Variants in LRRC25 observed in about 807,000 individuals in gnomAD.
LRRC25 encodes the protein leucine rich repeat containing 25, also known as leucine-rich repeat-containing protein 25.
LRRC25 carries 5 observed loss-of-function variants against 18.8 expected under a neutral mutation model. The ratio of observed to expected loss-of-function variants is 0.27; its 90% confidence interval spans 0.14 to 0.56. The LOEUF (loss-of-function observed/expected upper bound fraction) is 0.56, where lower values mean the gene tolerates loss of function less well. Ranked by LOEUF, LRRC25 falls within the 20% of genes least tolerant of loss-of-function variation. The pLI, the probability that LRRC25 is intolerant of heterozygous loss-of-function variation, is 0.93. For missense variants in LRRC25, 341 were observed against 389.8 expected, an observed-to-expected ratio of 0.87 and a Z score of 1.05; for synonymous variants, 161 against 176.8, an observed-to-expected ratio of 0.91 and a Z score of 0.71.
At position 18,392,101 on chromosome 19, in the gene LRRC25, G is replaced by C. The variant is rs1971908836; in HGVS notation, c.804C>G (p.Asp268Glu). 1.9e-6 allele frequency: 3 copies of C among 1,613,980 alleles called. No homozygotes were observed. Among genetic ancestry groups the C allele is most frequent in the East Asian group, 2.2e-5 (1 of 44,896 alleles). Residue 268 changes from aspartate (D) to glutamate (E), a missense_variant, in exon 2 of 2, where the codon GAC becomes GAG. Transcript: ENST00000339007. ...EQGAHPSEDN[D>E]FYINYKDIDL... ...CGATGTCCTTGTAGTTGATGTAAAA[G>C]TCATTGTCCTCTGAAGGGTGAGCCC...
In LRRC25 at chr19:18,391,782, C is replaced by T; in HGVS notation, c.*205G>A. The T allele has an allele frequency of 1.8e-6, 1 of 557,770 alleles. No individual in the cohort carries two copies. Among genetic ancestry groups the T allele is most frequent in the South Asian group, 2.1e-5 (1 of 47,120 alleles). 34.6% of individuals were successfully genotyped at this position (557,770 alleles called of 1,614,324 possible). A position where few individuals can be genotyped will look rare whatever the true frequency, so the allele number is the denominator to read the frequency against. On this transcript the variant is annotated 3_prime_UTR_variant, in exon 2 of 2. Transcript: ENST00000339007. ...CCTGTCCCCTTGTTGGGGGTCTCTCCTCTTCCCCCTCTAGGAGCTGAGGGA... is the reference window on the plus strand; with the variant it reads ...CCTGTCCCCTTGTTGGGGGTCTCTCTTCTTCCCCCTCTAGGAGCTGAGGGA...
chr19:18,395,608 AC>A (rs1315266882), intron 1 of LRRC25, among the ~76,000 whole-genome samples: 2 of 152,068 alleles, frequency 1.3e-5, no homozygotes, highest in Non-Finnish European at 2.9e-5. Flanking sequence ...GCCGCCAGAA[AC>A]TGGGTTTACA....
chr19:18,396,366 C>G lies in LRRC25; in HGVS notation c.598G>C (p.Glu200Gln). The change falls in exon 1 of 2, where the codon GAG becomes CAG. Residue 200 changes from glutamate (E) to glutamine (Q), a missense_variant. Physicochemically the swap from Glu to Gln is conservative, Grantham distance 29. Transcript: ENST00000339007. ...LWRCRVARSR[E>Q]LNKPWAAQDG... The stretch of plus-strand genomic sequence containing the variant: ...TGAGCAGCCCAGGGTTTGTTCAGCT[C>G]CCGGCTTCTGGCCACTCGGCATCGC... 1.2e-6 allele frequency: 2 copies of G among 1,613,702 alleles called. No individual in the cohort carries two copies. Among genetic ancestry groups the G allele is most frequent in the Non-Finnish European group, 1.7e-6 (2 of 1,179,990 alleles).
At chr19:18,393,737 T>TA (rs1336860048) in intron 1 of LRRC25, among the ~76,000 whole-genome samples, 1 of 152,206 alleles carries the variant, frequency 6.6e-6, no homozygotes, top group Non-Finnish European at 1.5e-5. Flanking sequence ...ACGCAGGGTT[T>TA]GTGTCCTGCC....
At chr19:18,393,975 G>A (rs538823351) in intron 1 of LRRC25, among the ~76,000 whole-genome samples, 1 of 152,260 alleles carries the variant, frequency 6.6e-6, no homozygotes, top group South Asian at 2.1e-4. Context: ...TCAACACCCT[G>A]CCTCAGACCA....
chr19:18,392,055 A>G lies in LRRC25; in HGVS notation c.850T>C (p.Tyr284His), dbSNP rs1484209179. Reference sequence around the variant, plus strand: ...TGGCCCAGTGACTGCAGGTTACAGTAGACAGGCTGGGAAGCCAGGTCGATG... The same window carrying G: ...TGGCCCAGTGACTGCAGGTTACAGTGGACAGGCTGGGAAGCCAGGTCGATG... ...KDIDLASQPV[Y>H]CNLQSLGQAP... The change falls in exon 2 of 2, where the codon TAC becomes CAC. Residue 284 changes from tyrosine to histidine, a missense_variant. Tyr to His is a moderately conservative substitution (Grantham distance 83). Coordinates refer to ENST00000339007, the MANE Select transcript of LRRC25 (RefSeq NM_145256.3). The G allele has an allele frequency of 6.2e-7, 1 of 1,614,052 alleles. No individual in the cohort carries two copies. The highest frequency in any genetic ancestry group is 8.5e-7 in the Non-Finnish European group (1 of 1,180,022).
chr19:18,393,423 G>T (rs1971925798), intron 1 of LRRC25, among the ~76,000 whole-genome samples: 1 of 152,154 alleles, frequency 6.6e-6, no homozygotes. Context: ...AGGAGTTCAA[G>T]ACCAGCCTGG....
rs772470201 is a variant in LRRC25 at position 18,396,242 on chromosome 19, T to C, written c.722A>G (p.Asp241Gly). 8.4e-5 allele frequency: 136 copies of C among 1,612,662 alleles called. No homozygotes were observed. The highest frequency in any genetic ancestry group is 1.1e-4 in the Non-Finnish European group (131 of 1,179,026). Residue 241 changes from aspartate (D) to glycine (G), a missense_variant, in exon 1 of 2, where the codon GAC becomes GGC. By Grantham distance (94) the Asp-to-Gly change is moderately conservative. Transcript: ENST00000339007. ...CTGGCCCACAAACATGTTCTCATAG[T>C]CGGGAGTGGAGGGGCAGGATGGCAC... ...VAVPSCPSTP[D>G]YENMFVGQPA...
rs770925385 is a variant in LRRC25 at position 18,396,370 on chromosome 19, G to C, written c.594C>G (p.Ser198Arg). The C allele has an allele frequency of 2.7e-5, 43 of 1,613,526 alleles. 1 individual carries two copies. Among genetic ancestry groups the C allele is most frequent in the South Asian group, 1.1e-4 (10 of 91,086 alleles). Residue 198 changes from serine to arginine, a missense_variant, in exon 1 of 2, where the codon AGC (serine) becomes AGG (arginine). Physicochemically the swap from Ser to Arg is moderately radical, Grantham distance 110. Coordinates refer to ENST00000339007, the MANE Select transcript of LRRC25 (RefSeq NM_145256.3). ...WRLWRCRVAR[S>R]RELNKPWAAQ... ...CAGCCCAGGGTTTGTTCAGCTCCCG[G>C]CTTCTGGCCACTCGGCATCGCCAGA... is the stretch of plus-strand genomic sequence containing the variant.
chr19:18,396,693 T>G lies in LRRC25; in HGVS notation c.271A>C (p.Asn91His). The G allele has an allele frequency of 6.2e-7, 1 of 1,613,972 alleles. No individual in the cohort carries two copies. Among genetic ancestry groups the G allele is most frequent in the South Asian group, 1.1e-5 (1 of 91,066 alleles). Residue 91 changes from asparagine to histidine, a missense_variant, in exon 1 of 2, where the codon AAC (asparagine) becomes CAC (histidine). Transcript: ENST00000339007. ...CGAGACAAGGGGTTGCGTAGCACGT[T>G]CAGGACCTCAAGCTTCTGCAGGTGG... ...FAHLQKLEVL[N>H]VLRNPLSRVD...
In LRRC25 at chr19:18,396,217, C is replaced by T. The variant is rs774022686; in HGVS notation, c.747G>A (p.Gln249=). The change falls in exon 1 of 2, where the codon CAG becomes CAA. Residue 249 remains glutamine (Q), a synonymous_variant. Transcript: ENST00000339007. Reference sequence around the variant, plus strand: ...CATCCCACTGGTGCTCGGCTGCTGGCTGGCCCACAAACATGTTCTCATAGT... The same window carrying T: ...CATCCCACTGGTGCTCGGCTGCTGGTTGGCCCACAAACATGTTCTCATAGT... ...TPDYENMFVG[Q]PAAEHQWDEQ... is the part of the protein sequence containing the mutation. 1.2e-6 allele frequency: 2 copies of T among 1,605,898 alleles called. No homozygotes were observed. Among genetic ancestry groups the T allele is most frequent in the South Asian group, 1.1e-5 (1 of 90,732 alleles).
At chr19:18,393,724 G>C (rs1481251046) in intron 1 of LRRC25, among the ~76,000 whole-genome samples, 2 of 152,186 alleles carry the variant, frequency 1.3e-5, no homozygotes, top group Admixed American at 6.5e-5. Flanking sequence ...GAACAGGTCT[G>C]GGACGCAGGG....
At chr19:18,395,655 A>G (rs1456325628) in intron 1 of LRRC25, among the ~76,000 whole-genome samples, 4 of 152,132 alleles carry the variant, frequency 2.6e-5, no homozygotes, top group Non-Finnish European at 5.9e-5. Context: ...CATATATGGG[A>G]ACTCACTTAA....
Position 18,391,876 on chromosome 19 carries a change from C to T in LRRC25, c.*111G>A, listed in dbSNP as rs1224238905. ...CCTGGGGCCTCAAGGACAATCCTTTCCTGTACCCATTCTTCAGATGGGGAA... is the reference window on the plus strand; with the variant it reads ...CCTGGGGCCTCAAGGACAATCCTTTTCTGTACCCATTCTTCAGATGGGGAA... On this transcript the variant is annotated 3_prime_UTR_variant, in exon 2 of 2. Coordinates refer to ENST00000339007, the MANE Select transcript of LRRC25 (RefSeq NM_145256.3). 4.5e-6 allele frequency: 6 copies of T among 1,346,892 alleles called. No individual in the cohort carries two copies. In the East Asian group the frequency reaches 7.6e-5, roughly 17 times the overall value. 83.4% of individuals were successfully genotyped at this position (1,346,892 alleles called of 1,614,324 possible).
rs183284808 is a variant in LRRC25 at position 18,391,727 on chromosome 19, G to A, written c.*260C>T. 13 of 397,284 alleles carry A rather than the reference G, an allele frequency of 3.3e-5. No homozygotes were observed. Among genetic ancestry groups the A allele is most frequent in the African/African-American group, 1.8e-4 (9 of 49,940 alleles). 24.6% of individuals were successfully genotyped at this position (397,284 alleles called of 1,614,324 possible). A position where few individuals can be genotyped will look rare whatever the true frequency, so the allele number is the denominator to read the frequency against. On this transcript the variant is annotated 3_prime_UTR_variant, in exon 2 of 2. Coordinates refer to ENST00000339007, the MANE Select transcript of LRRC25 (RefSeq NM_145256.3). ...GAGCACTGCCTGTACATCCACAGGAGGGTGATGACAGGATTGGCACAGTGA... is the reference window on the plus strand; with the variant it reads ...GAGCACTGCCTGTACATCCACAGGAAGGTGATGACAGGATTGGCACAGTGA...
rs755813687 is a variant in LRRC25, at chr19:18,396,716, T to C, written c.248A>G (p.His83Arg). The C allele has an allele frequency of 1.9e-6, 3 of 1,613,766 alleles. No individual in the cohort carries two copies. The highest frequency in any genetic ancestry group is 2.5e-6 in the Non-Finnish European group (3 of 1,179,964). Reference sequence around the variant, plus strand: ...GTTCAGGACCTCAAGCTTCTGCAGGTGGGCAAAGAAGGTCACTGGAAGCTC... The same window carrying C: ...GTTCAGGACCTCAAGCTTCTGCAGGCGGGCAAAGAAGGTCACTGGAAGCTC... ...LRELPVTFFAHLQKLEVLNVL... is the reference protein window; with the variant it reads ...LRELPVTFFARLQKLEVLNVL... Residue 83 changes from histidine to arginine, a missense_variant, in exon 1 of 2, where the codon CAC (histidine) becomes CGC (arginine). His to Arg is a conservative substitution (Grantham distance 29). Coordinates refer to ENST00000339007, the MANE Select transcript of LRRC25 (RefSeq NM_145256.3).
chr19:18,396,326 G>A lies in LRRC25; in HGVS notation c.638C>T (p.Pro213Leu). Residue 213 changes from proline to leucine, a missense_variant, in exon 1 of 2, where the codon CCC becomes CTC. By Grantham distance (98) the Pro-to-Leu change is moderately conservative (BLOSUM62 -3). Coordinates refer to ENST00000339007, the MANE Select transcript of LRRC25 (RefSeq NM_145256.3). ...KPWAAQDGPK[P>L]GLGLQPRYGS... is the part of the protein sequence containing the mutation. Reference sequence around the variant, plus strand: ...GTACCGTGGCTGCAAGCCTAAACCGGGCTTGGGCCCATCCTGAGCAGCCCA... The same window carrying A: ...GTACCGTGGCTGCAAGCCTAAACCGAGCTTGGGCCCATCCTGAGCAGCCCA... The A allele has an allele frequency of 6.2e-7, 1 of 1,613,958 alleles. No homozygotes were observed. Among genetic ancestry groups the A allele is most frequent in the Non-Finnish European group, 8.5e-7 (1 of 1,180,014 alleles).
At position 18,396,715 on chromosome 19, in the gene LRRC25, G is replaced by A. The variant is rs1971974978; in HGVS notation, c.249C>T (p.His83=). 1.2e-6 allele frequency: 2 copies of A among 1,614,020 alleles called. No individual in the cohort carries two copies. Among genetic ancestry groups the A allele is most frequent in the African/African-American group, 1.3e-5 (1 of 74,942 alleles). The part of the protein sequence containing the change: ...LRELPVTFFA[H]LQKLEVLNVL... ...CGTTCAGGACCTCAAGCTTCTGCAG[G>A]TGGGCAAAGAAGGTCACTGGAAGCT... The change falls in exon 1 of 2, where the codon CAC becomes CAT. Residue 83 remains histidine (H), a synonymous_variant. Coordinates refer to ENST00000339007, the MANE Select transcript of LRRC25 (RefSeq NM_145256.3).
intron 1 of LRRC25, among the ~76,000 whole-genome samples, chr19:18,393,485 G>A (rs1266719496): frequency 6.6e-6 from 1 of 152,090 alleles, no homozygotes. Flanking sequence ...GTGATGGTGG[G>A]CGCCTGTAAT....
Sources: gnomAD v4.1 joint callset for allele counts (sites outside exome capture counted in the v4.1 genomes callset) on GRCh38, gnomAD v4.1.1 for gene constraint, MANE v1.5 for transcripts, NCBI Gene and HGNC (gene_info 2026-07-23, HGNC 2026-07-21) for gene names.